ERVFRD-1: variants seen among roughly 807,000 people sequenced by gnomAD.
ERVFRD-1 encodes the protein endogenous retrovirus group FRD member 1, envelope.
ERVFRD-1 carries 33 observed loss-of-function variants against 43.8 expected under a neutral mutation model. The ratio of observed to expected loss-of-function variants is 0.75; its 90% CI spans 0.57 to 1.01. The LOEUF (loss-of-function observed/expected upper bound fraction) is 1.01, where lower values mean the gene tolerates loss of function less well. Among genes scored for constraint, ERVFRD-1 ranks in the 50% least tolerant of loss-of-function variants. The pLI is 0.00. For synonymous variants in ERVFRD-1, 239 were observed against 244.4 expected (o/e 0.98, Z 0.21); for missense variants, 568 against 658.4 (o/e 0.86, Z 1.50).
rs77904736 is a variant in ERVFRD-1 at position 11,105,209 on chromosome 6, A to G, written c.102T>C (p.Ser34=). The change falls in exon 2 of 2, where the codon AGT becomes AGC. Residue 34 remains serine, a synonymous_variant. Coordinates refer to ENST00000472091, the MANE Select transcript of ERVFRD-1 (RefSeq NM_207582.3). ...LLEKAQQLLQ[S]TGSPYSTNCW... Reference sequence around the variant, plus strand: ...AATTGGTGGAGTAAGGGGATCCTGTACTTTGGAGCAGTTGCTGAGCTTTTT... The same window carrying G: ...AATTGGTGGAGTAAGGGGATCCTGTGCTTTGGAGCAGTTGCTGAGCTTTTT... 9.6e-4 allele frequency: 1,547 copies of G among 1,614,152 alleles called. 16 individuals carry two copies. In the African/African-American group the frequency reaches 0.019, roughly 19 times the overall value.
chr6:11,106,909 T>A (rs558864380), intron 1 of ERVFRD-1, among the ~76,000 whole-genome samples: 1 of 152,370 alleles, frequency 6.6e-6, no homozygotes, highest in African/African-American at 2.4e-5. Context: ...GATAGCTGTG[T>A]GAGTGTGAAG....
chr6:11,105,430 G>T lies in ERVFRD-1; in HGVS notation c.-120C>A. On this transcript the variant is annotated 5_prime_UTR_variant, in exon 2 of 2. Transcript: ENST00000472091. ...ATTGCCAGTAAAATTTCTAGTATTG[G>T]GATCACCTTACTTTGAGGTGAAAGG... The T allele has an allele frequency of 7.0e-6, 5 of 716,152 alleles. No homozygotes were observed. Among genetic ancestry groups the T allele is most frequent in the Non-Finnish European group, 1.2e-5 (5 of 430,864 alleles). 44.4% of individuals were successfully genotyped at this position (716,152 alleles called of 1,614,324 possible).
At chr6:11,107,797 T>C (rs928752848) in intron 1 of ERVFRD-1, among the ~76,000 whole-genome samples, 1 of 152,202 alleles carries the variant, frequency 6.6e-6, no homozygotes, top group Non-Finnish European at 1.5e-5. Flanking sequence ...TGGGGTGTTA[T>C]AGGGTATTAA....
Position 11,104,887 on chromosome 6 carries a change from T to A in ERVFRD-1, c.424A>T (p.Ser142Cys). ...GTGAAAGTAACATTACAGACTGTAC[T>A]TGGAAGAGTGCCTACATTTGTTCCA... ...KNGTNVGTLP[S>C]TVCNVTFTVD... The change falls in exon 2 of 2, where the codon AGT becomes TGT. Residue 142 changes from serine to cysteine, a missense_variant. Transcript: ENST00000472091. The A allele has an allele frequency of 1.2e-6, 2 of 1,614,252 alleles. No homozygotes were observed. The highest frequency in any genetic ancestry group is 1.7e-6 in the Non-Finnish European group (2 of 1,180,050).
rs1758043513 is a variant in ERVFRD-1, at chr6:11,104,085, A to G, written c.1226T>C (p.Leu409Ser). 7 of 1,551,716 alleles carry G rather than the reference A, an allele frequency of 4.5e-6. No homozygotes were observed. Among genetic ancestry groups the G allele is most frequent in the Non-Finnish European group, 6.1e-6 (7 of 1,146,996 alleles). ...LTTMQEQIDS[L>S]AAVVLQNRRG... ...ACGATTTTGAAGGACTACGGCTGCTAAAGAGTCGATTTGTTCTTGCATGGT... is the reference window on the plus strand; with the variant it reads ...ACGATTTTGAAGGACTACGGCTGCTGAAGAGTCGATTTGTTCTTGCATGGT... Residue 409 changes from leucine to serine, a missense_variant, in exon 2 of 2, where the codon TTA (leucine) becomes TCA (serine). By Grantham distance (145) the Leu-to-Ser change is moderately radical. Coordinates refer to ENST00000472091, the MANE Select transcript of ERVFRD-1 (RefSeq NM_207582.3).
intron 1 of ERVFRD-1, among the ~76,000 whole-genome samples, chr6:11,109,420 G>C (rs1382731964): frequency 6.6e-6 from 1 of 152,168 alleles, no homozygotes; most frequent in African/African-American, 2.4e-5. Flanking sequence ...GGGAGGAGAA[G>C]GCTTCTGGGA....
At position 11,104,843 on chromosome 6, in the gene ERVFRD-1, C is replaced by G. The variant is rs764429308; in HGVS notation, c.468G>C (p.Gln156His). The G allele has an allele frequency of 5.6e-6, 9 of 1,614,034 alleles. No homozygotes were observed. The highest frequency in any genetic ancestry group is 1.6e-4 in the Middle Eastern group (1 of 6,084). The change falls in exon 2 of 2, where the codon CAG becomes CAC. Residue 156 changes from glutamine to histidine, a missense_variant. Transcript: ENST00000472091. ...GGTTGTGGGTGTATGTTTGGTAAGT[C>G]TGTTGGTTAGAATCTACAGTGAAAG... ...NVTFTVDSNQQTYQTYTHNQF... is the reference protein window; with the variant it reads ...NVTFTVDSNQHTYQTYTHNQF...
chr6:11,104,666 A>G lies in ERVFRD-1; in HGVS notation c.645T>C (p.Cys215=), dbSNP rs968627583. Reference sequence around the variant, plus strand: ...TAGAGCTGAGGTTGGAAATTTGCAGACATTGGTTATAATCAGCAGGCCGGA... The same window carrying G: ...TAGAGCTGAGGTTGGAAATTTGCAGGCATTGGTTATAATCAGCAGGCCGGA... ...FWFRPADYNQ[C]LQISNLSSTA... Residue 215 remains cysteine, a synonymous_variant, in exon 2 of 2, where the codon TGT becomes TGC. Transcript: ENST00000472091. 1.2e-6 allele frequency: 2 copies of G among 1,614,080 alleles called. No homozygotes were observed. Among genetic ancestry groups the G allele is most frequent in the African/African-American group, 2.7e-5 (2 of 74,906 alleles).
chr6:11,106,508 C>T (rs939464006), intron 1 of ERVFRD-1, among the ~76,000 whole-genome samples: 1 of 152,226 alleles, frequency 6.6e-6, no homozygotes, highest in Non-Finnish European at 1.5e-5. Context: ...TCTAAAGTGG[C>T]GGGAGTCCTG....
Position 11,105,351 on chromosome 6 carries a change from G to T in ERVFRD-1, c.-41C>A. 1 of 1,472,918 alleles carries T rather than the reference G, an allele frequency of 6.8e-7. No homozygotes were observed. Among genetic ancestry groups the T allele is most frequent in the Non-Finnish European group, 9.4e-7 (1 of 1,068,426 alleles). 91.2% of individuals were successfully genotyped at this position (1,472,918 alleles called of 1,614,324 possible). A position where few individuals can be genotyped will look rare whatever the true frequency, so the allele number is the denominator to read the frequency against. On this transcript the variant is annotated 5_prime_UTR_variant, in exon 2 of 2. Coordinates refer to ENST00000472091, the MANE Select transcript of ERVFRD-1 (RefSeq NM_207582.3). ...ACTGGTCACAAAACGAGCTGCCAATGGAACTCCTGGTGGTGTACAAGTTAG... is the reference window on the plus strand; with the variant it reads ...ACTGGTCACAAAACGAGCTGCCAATTGAACTCCTGGTGGTGTACAAGTTAG...
Position 11,103,575 on chromosome 6 carries a change from G to A in ERVFRD-1, c.*119C>T. 1 of 1,407,082 alleles carries A rather than the reference G, an allele frequency of 7.1e-7. No individual in the cohort carries two copies. The highest frequency in any genetic ancestry group is 9.3e-7 in the Non-Finnish European group (1 of 1,072,786). 87.2% of individuals were successfully genotyped at this position (1,407,082 alleles called of 1,614,324 possible). ...TTCTGTGGGTCTTGGCCTCTTGCTA[G>A]CTGTCAGGGCAGGATGGCTCTGTGG... On this transcript the variant is annotated 3_prime_UTR_variant, in exon 2 of 2. Coordinates refer to ENST00000472091, the MANE Select transcript of ERVFRD-1 (RefSeq NM_207582.3).
intron 1 of ERVFRD-1, among the ~76,000 whole-genome samples, chr6:11,105,878 A>G (rs1448925374): frequency 1.3e-5 from 2 of 152,182 alleles, no homozygotes; most frequent in Non-Finnish European, 2.9e-5. Context: ...ATGACAGAAT[A>G]TAGGAATGGC....
chr6:11,108,163 GT>G (rs1758114734), intron 1 of ERVFRD-1, among the ~76,000 whole-genome samples: 1 of 152,212 alleles, frequency 6.6e-6, no homozygotes. Context: ...AGAAAAGACG[GT>G]TTTCCCCCAG....
At chr6:11,106,856 T>C (rs1758091226) in intron 1 of ERVFRD-1, among the ~76,000 whole-genome samples, 1 of 152,204 alleles carries the variant, frequency 6.6e-6, no homozygotes, top group South Asian at 2.1e-4. Context: ...GGCCCATATT[T>C]AATTTGAGTA....
chr6:11,106,982 C>T (rs10214511), intron 1 of ERVFRD-1, among the ~76,000 whole-genome samples: 31,652 of 152,118 alleles, frequency 0.21, 3,719 homozygotes, highest in East Asian at 0.45. Flanking sequence ...TTAGGGCTTT[C>T]GTCAGCACAG....
At chr6:11,110,341 C>G (rs1267506997) in intron 1 of ERVFRD-1, among the ~76,000 whole-genome samples, 1 of 152,200 alleles carries the variant, frequency 6.6e-6, no homozygotes, top group Non-Finnish European at 1.5e-5. Flanking sequence ...TCTCTTGCAT[C>G]TGCCTCCTTG....
intron 1 of ERVFRD-1, among the ~76,000 whole-genome samples, chr6:11,105,979 T>C (rs922872942): frequency 3.3e-5 from 5 of 152,172 alleles, no homozygotes; most frequent in Admixed American, 2.6e-4. Context: ...GGTACACCCA[T>C]GGCTGTGCTG....
At chr6:11,106,470 G>T (rs887398936) in intron 1 of ERVFRD-1, among the ~76,000 whole-genome samples, 1 of 152,204 alleles carries the variant, frequency 6.6e-6, no homozygotes, top group Middle Eastern at 3.2e-3. Flanking sequence ...CTGAACACTG[G>T]TTTACAAATT....
At position 11,104,125 on chromosome 6, in the gene ERVFRD-1, C is replaced by T; in HGVS notation, c.1186G>A (p.Ala396Thr). The T allele has an allele frequency of 1.3e-6, 2 of 1,551,650 alleles. No homozygotes were observed. Among genetic ancestry groups the T allele is most frequent in the Non-Finnish European group, 1.7e-6 (2 of 1,146,998 alleles). Residue 396 changes from alanine (A) to threonine (T), a missense_variant, in exon 2 of 2, where the codon GCT (alanine) becomes ACT (threonine). By Grantham distance (58) the Ala-to-Thr change is moderately conservative. Transcript: ENST00000472091. ...KEIANNIDTM[A>T]KALTTMQEQI... ...TCTTGCATGGTCGTTAAGGCTTTAG[C>T]CATGGTGTCAATGTTGTTGGCTATT...
Sources: allele counts gnomAD v4.1 joint callset (sites outside exome capture counted in the v4.1 genomes callset), GRCh38; gene constraint gnomAD v4.1.1; transcripts MANE v1.5; gene names NCBI Gene and HGNC (gene_info 2026-07-23, HGNC 2026-07-21).